Variants in NEO1 observed in about 807,000 individuals in gnomAD.
NEO1 encodes the protein neogenin.
In NEO1, 63 loss-of-function variants were observed where a neutral mutation model predicts 159.7. The observed-to-expected ratio is 0.39, with a 90% CI of 0.32 to 0.49. The LOEUF is 0.49. Ranked by LOEUF, NEO1 falls within the 20% of genes least tolerant of loss-of-function variation. NEO1 has a pLI of 0.85. For missense variants in NEO1, 1,615 were observed against 1,831.0 expected (o/e 0.88, Z 2.15); for synonymous variants, 633 against 662.0 (o/e 0.96, Z 0.67).
chr15:73,121,938 A>G (rs1283954505), intron 2 of NEO1, among the ~76,000 whole-genome samples: 3 of 151,310 alleles, frequency 2.0e-5, no homozygotes, highest in Non-Finnish European at 4.4e-5. Flanking sequence ...AGAATTGGCC[A>G]TTTCTCCAAG....
intron 5 of NEO1, among the ~76,000 whole-genome samples, chr15:73,160,477 T>C (rs2034095619): frequency 6.6e-6 from 1 of 152,140 alleles, no homozygotes; most frequent in Non-Finnish European, 1.5e-5. Context: ...GTGTCATATC[T>C]CACAGGTTGA....
chr15:73,255,705 G>T (rs988399045), intron 13 of NEO1: 2 of 152,372 alleles, frequency 1.3e-5, no homozygotes, highest in African/African-American at 4.8e-5. Flanking sequence ...ACTCTGTCCT[G>T]CTCAGTTATA....
At chr15:73,262,981 C>A (rs999882807) in intron 15 of NEO1, among the ~76,000 whole-genome samples, 1 of 151,970 alleles carries the variant, frequency 6.6e-6, no homozygotes, top group Non-Finnish European at 1.5e-5. Context: ...CAGAATTTAT[C>A]TATAGTGACA....
At chr15:73,286,402 G>GT (rs58635034) in intron 23 of NEO1, among the ~76,000 whole-genome samples, 5 of 151,496 alleles carry the variant, frequency 3.3e-5, no homozygotes, top group African/African-American at 9.7e-5. Context: ...TTTGTTTTTT[G>GT]TTTTTTTTCA....
At chr15:73,116,960 A>G in intron 2 of NEO1, 103 bp downstream of exon 2, 1 of 880,468 alleles carries the variant, frequency 1.1e-6, no homozygotes. Context: ...TAGTAGCAAC[A>G]AATATACTCA....
intron 5 of NEO1, among the ~76,000 whole-genome samples, chr15:73,167,113 C>T (rs2034623524): frequency 8.0e-6 from 1 of 124,294 alleles, no homozygotes; most frequent in African/African-American, 3.2e-5. Context: ...CATCACACAC[C>T]AGGGCCTGTC....
At position 73,254,671 on chromosome 15, in the gene NEO1, G is replaced by T. The variant is rs1196982945; in HGVS notation, c.1945-11G>T. ...TATTCAGCCTTTTTTCTATAATTCT[G>T]TCTTGTGCAGAGTATTATGATTCAC... On this transcript the variant is annotated splice_polypyrimidine_tract_variant and intron_variant, in intron 12 of 28. Coordinates refer to ENST00000261908, the MANE Select transcript of NEO1 (RefSeq NM_002499.4). 1.3e-6 allele frequency: 2 copies of T among 1,598,764 alleles called. No homozygotes were observed. Among genetic ancestry groups the T allele is most frequent in the Admixed American group, 1.8e-5 (1 of 55,558 alleles).
At chr15:73,079,147 T>C (rs927682704) in intron 1 of NEO1, among the ~76,000 whole-genome samples, 5 of 152,230 alleles carry the variant, frequency 3.3e-5, no homozygotes, top group African/African-American at 1.2e-4. Flanking sequence ...GGAATCTTAT[T>C]GTTACTGGTT....
intron 5 of NEO1, among the ~76,000 whole-genome samples, chr15:73,168,584 G>A (rs187860911): frequency 6.6e-6 from 1 of 151,900 alleles, no homozygotes; most frequent in African/African-American, 2.4e-5. Flanking sequence ...TGAGACTAGG[G>A]GCAGGATTGG....
chr15:73,116,848 A>G lies in NEO1; in HGVS notation c.439A>G (p.Ile147Val), dbSNP rs1328795151. The G allele has an allele frequency of 2.6e-6, 4 of 1,540,890 alleles. No homozygotes were observed. Among genetic ancestry groups the G allele is most frequent in the African/African-American group, 2.9e-5 (2 of 69,908 alleles). ...GTIISRTAKL[I>V]VAGLPRFTSQ... ...TATTATCAGTAGAACAGCGAAGCTC[A>G]TAGTAGCAGGTAAGTTTTAAGTGAT... Residue 147 changes from isoleucine (I) to valine (V), a missense_variant, in exon 2 of 29, where the codon ATA (isoleucine) becomes GTA (valine). Around this residue, in one of 3 missense-constraint regions of NEO1, gnomAD observed 1,018 missense variants for 1,115.4 expected, o/e 0.91. Transcript: ENST00000261908.
intron 7 of NEO1, among the ~76,000 whole-genome samples, chr15:73,185,692 A>G (rs1249416815): frequency 1.3e-5 from 2 of 152,194 alleles, no homozygotes; most frequent in African/African-American, 4.8e-5. Context: ...GTTTAGAAGA[A>G]TTTTACTCAT....
chr15:73,211,855 C>A (rs2037596062), intron 7 of NEO1, among the ~76,000 whole-genome samples: 1 of 152,194 alleles, frequency 6.6e-6, no homozygotes, highest in Non-Finnish European at 1.5e-5. Context: ...TAGTCTCCTT[C>A]AGTTTGTGAT....
At chr15:73,065,093 T>C (rs1267881456) in intron 1 of NEO1, among the ~76,000 whole-genome samples, 1 of 152,144 alleles carries the variant, frequency 6.6e-6, no homozygotes, top group African/African-American at 2.4e-5. Flanking sequence ...TCATGGACAG[T>C]GCAAGGCCTC....
intron 7 of NEO1, among the ~76,000 whole-genome samples, chr15:73,206,823 G>A (rs1467207371): frequency 3.7e-5 from 2 of 54,256 alleles, no homozygotes; most frequent in East Asian, 6.9e-4. Flanking sequence ...TTTCTTTTTC[G>A]TGTGTGTGTG....
At chr15:73,232,528 G>A (rs2038962952) in intron 7 of NEO1, among the ~76,000 whole-genome samples, 1 of 152,158 alleles carries the variant, frequency 6.6e-6, no homozygotes, top group African/African-American at 2.4e-5. Flanking sequence ...GGCTCTCTCA[G>A]TTGTCTTGTG....
At position 73,296,533 on chromosome 15, in the gene NEO1, G is replaced by T. The variant is rs530835546; in HGVS notation, c.3902-1815G>T. On this transcript the variant is annotated intron_variant, in intron 26 of 28. Transcript: ENST00000261908. Reference sequence around the variant, plus strand: ...CAGAGGTGCCACTCGTGACTGGTGTGGCCTGACTTCTCAGAGCCCAAGGGC... The same window carrying T: ...CAGAGGTGCCACTCGTGACTGGTGTTGCCTGACTTCTCAGAGCCCAAGGGC... Among the ~76,000 whole-genome samples the T allele has an allele frequency of 3.9e-5, 6 of 152,262 alleles. No individual in the cohort carries two copies. In the East Asian group the frequency reaches 7.7e-4, roughly 20 times the overall value.
At chr15:73,151,979 T>C (rs1017692383) in intron 5 of NEO1, among the ~76,000 whole-genome samples, 1 of 152,224 alleles carries the variant, frequency 6.6e-6, no homozygotes, top group African/African-American at 2.4e-5. Flanking sequence ...ATCTGTGCCT[T>C]TAGTAAATAA....
chr15:73,151,032 C>T (rs951175930), intron 5 of NEO1, among the ~76,000 whole-genome samples: 16 of 152,132 alleles, frequency 1.1e-4, no homozygotes, highest in Admixed American at 6.6e-5. Flanking sequence ...CAGGCCTTTT[C>T]CCAGAGTGGT....
At chr15:73,071,002 T>A (rs1217064429) in intron 1 of NEO1, among the ~76,000 whole-genome samples, 1 of 152,216 alleles carries the variant, frequency 6.6e-6, no homozygotes, top group Non-Finnish European at 1.5e-5. Context: ...TCTCACTCTG[T>A]AACCCAGGCT....
Sources: allele counts gnomAD v4.1 joint callset (sites outside exome capture counted in the v4.1 genomes callset), GRCh38; gene constraint gnomAD v4.1.1; regional missense constraint gnomAD v4.1.1; transcripts MANE v1.5; gene names NCBI Gene and HGNC (gene_info 2026-07-23, HGNC 2026-07-21).